The following SLC4A10 variants were observed in gnomAD, a reference collection of about 807,000 sequenced individuals.
SLC4A10 encodes sodium-driven chloride bicarbonate exchanger.
In SLC4A10, 42 loss-of-function variants were observed where a neutral mutation model predicts 137.7. That is an observed-to-expected ratio of 0.30 (90% CI 0.24 to 0.39). The LOEUF is 0.39. Among genes scored for constraint, SLC4A10 ranks in the 10% least tolerant of loss-of-function variants. The pLI is 1.00. For missense variants in SLC4A10, 925 were observed against 1,355.0 expected, an observed-to-expected ratio of 0.68 and a Z score of 4.98; for synonymous variants, 474 against 464.1, an observed-to-expected ratio of 1.02 and a Z score of -0.27.
At chr2:161,725,811 T>C (rs2046160225) in intron 1 of SLC4A10, among the ~76,000 whole-genome samples, 1 of 152,214 alleles carries the variant, frequency 6.6e-6, no homozygotes, top group South Asian at 2.1e-4. Context: ...AATACCCTAT[T>C]CACCCTGATC....
intron 11 of SLC4A10, among the ~76,000 whole-genome samples, chr2:161,898,377 T>G (rs1180819900): frequency 6.6e-6 from 1 of 152,168 alleles, no homozygotes; most frequent in Non-Finnish European, 1.5e-5. Flanking sequence ...ATTACAGATA[T>G]GCTCTATGCT....
chr2:161,777,347 A>AT (rs2052473849), intron 2 of SLC4A10, among the ~76,000 whole-genome samples: 1 of 151,812 alleles, frequency 6.6e-6, no homozygotes, highest in African/African-American at 2.4e-5. Flanking sequence ...ATGCACAGAC[A>AT]TTTTTTAGTT....
chr2:161,966,644 G>A (rs530606950), intron 23 of SLC4A10, among the ~76,000 whole-genome samples: 4 of 151,914 alleles, frequency 2.6e-5, no homozygotes, highest in Non-Finnish European at 5.9e-5. Flanking sequence ...AGCTACTCAG[G>A]AGGCTGAGGC....
chr2:161,851,261 C>T (rs1035928748), intron 4 of SLC4A10, among the ~76,000 whole-genome samples: 2 of 152,112 alleles, frequency 1.3e-5, no homozygotes, highest in Non-Finnish European at 2.9e-5. Flanking sequence ...TCCCAAATAT[C>T]TCTTGTTAGT....
intron 22 of SLC4A10, among the ~76,000 whole-genome samples, chr2:161,964,752 A>C (rs1240687716): frequency 6.6e-6 from 1 of 152,058 alleles, no homozygotes; most frequent in Non-Finnish European, 1.5e-5. Context: ...ATATAGTATA[A>C]ACTATTAACT....
intron 1 of SLC4A10, among the ~76,000 whole-genome samples, chr2:161,717,943 C>T (rs1433455054): frequency 6.6e-6 from 1 of 152,040 alleles, no homozygotes; most frequent in Non-Finnish European, 1.5e-5. Flanking sequence ...GTTTGGGAGG[C>T]TATTTTTACT....
At chr2:161,911,451 G>A (rs1440230743) in intron 15 of SLC4A10, among the ~76,000 whole-genome samples, 2 of 151,946 alleles carry the variant, frequency 1.3e-5, no homozygotes, top group Non-Finnish European at 2.9e-5. Flanking sequence ...GAAACAAGAT[G>A]AAACAGAGTA....
chr2:161,915,598 G>T (rs1299152364), intron 15 of SLC4A10, among the ~76,000 whole-genome samples: 1 of 152,072 alleles, frequency 6.6e-6, no homozygotes, highest in Non-Finnish European at 1.5e-5. Context: ...ATGCCCTCTG[G>T]GTCCTTGGGG....
intron 15 of SLC4A10, 126 bp downstream of exon 15, chr2:161,906,013 G>T (rs1014349998): frequency 3.3e-6 from 4 of 1,218,714 alleles, no homozygotes; most frequent in Non-Finnish European, 4.4e-6. Context: ...CCTAAATCCT[G>T]ACTCTCAGAG....
intron 1 of SLC4A10, among the ~76,000 whole-genome samples, chr2:161,756,213 T>C (rs2049628254): frequency 6.6e-6 from 1 of 152,218 alleles, no homozygotes; most frequent in Non-Finnish European, 1.5e-5. Context: ...CATGCTTTTG[T>C]TAAATTTTCC....
intron 10 of SLC4A10, among the ~76,000 whole-genome samples, chr2:161,883,470 A>G (rs551830790): frequency 5.3e-5 from 8 of 152,328 alleles, no homozygotes; most frequent in African/African-American, 1.4e-4. Flanking sequence ...ACAAGAAAGC[A>G]AAAGCAAGAA....
At chr2:161,755,866 G>A (rs2049575281) in intron 1 of SLC4A10, among the ~76,000 whole-genome samples, 1 of 151,504 alleles carries the variant, frequency 6.6e-6, no homozygotes, top group African/African-American at 2.4e-5. Context: ...TGCCTCCCAG[G>A]TAAAGAGATT....
intron 12 of SLC4A10, among the ~76,000 whole-genome samples, chr2:161,902,730 A>G (rs1391009736): frequency 6.6e-6 from 1 of 152,182 alleles, no homozygotes; most frequent in Non-Finnish European, 1.5e-5. Context: ...GATAAATCAG[A>G]TCAGGGAAAT....
At chr2:161,982,710 C>A (rs1212728408) in intron 26 of SLC4A10, among the ~76,000 whole-genome samples, 1 of 152,140 alleles carries the variant, frequency 6.6e-6, no homozygotes, top group Admixed American at 6.5e-5. Context: ...GGCCAAGGTA[C>A]AGTCTTCATC....
Position 161,893,288 on chromosome 2 carries a change from T to C in SLC4A10, c.1195-1391T>C, listed in dbSNP as rs945557529. 4.6e-5 allele frequency among the ~76,000 whole-genome samples: 7 copies of C among 152,138 alleles called. No individual in the cohort carries two copies. In the East Asian group the frequency reaches 5.8e-4, roughly 13 times the overall value. ...GGAGGTGGAAGGGACAAGTATGAAA[T>C]GTAACTCATACTTTGAGTGGAAATG... On this transcript the variant is annotated intron_variant, in intron 10 of 26. Transcript: ENST00000446997.
At chr2:161,801,616 C>T (rs943431097) in intron 2 of SLC4A10, among the ~76,000 whole-genome samples, 5 of 152,046 alleles carry the variant, frequency 3.3e-5, no homozygotes, top group African/African-American at 9.7e-5. Flanking sequence ...ACACTTTTGA[C>T]GCTTTCTTCA....
At chr2:161,951,731 AG>A (rs1694839594) in intron 19 of SLC4A10, among the ~76,000 whole-genome samples, 1 of 152,182 alleles carries the variant, frequency 6.6e-6, no homozygotes, top group Admixed American at 6.5e-5. Context: ...AATGTTAGAA[AG>A]ATGAAAAATA....
intron 1 of SLC4A10, among the ~76,000 whole-genome samples, chr2:161,749,424 TA>T (rs1293210762): frequency 1.3e-5 from 2 of 152,006 alleles, no homozygotes; most frequent in African/African-American, 4.8e-5. Context: ...AAATGGCCTT[TA>T]TTATGTTTAG....
chr2:161,694,338 A>AT (rs1382121733), intron 1 of SLC4A10, among the ~76,000 whole-genome samples: 3 of 151,852 alleles, frequency 2.0e-5, no homozygotes, highest in South Asian at 2.1e-4. Context: ...ATGCATAGGT[A>AT]TTTTTTTCCC....
Sources: gnomAD v4.1 joint callset for allele counts (sites outside exome capture counted in the v4.1 genomes callset) on GRCh38, gnomAD v4.1.1 for gene constraint, MANE v1.5 for transcripts, NCBI Gene and HGNC (gene_info 2026-07-23, HGNC 2026-07-21) for gene names.